GALNT11: variants seen among roughly 807,000 people sequenced by gnomAD.
GALNT11 encodes the protein polypeptide N-acetylgalactosaminyltransferase 11, also known as UDP-GalNAc:polypeptide N-acetylgalactosaminyltransferase 11.
A neutral mutation model predicts 72.7 loss-of-function variants in GALNT11; 47 were observed. The observed-to-expected ratio is 0.65, with a 90% CI of 0.51 to 0.82. GALNT11 has a LOEUF of 0.82. Among genes scored for constraint, GALNT11 ranks in the 40% least tolerant of loss-of-function variants. The probability of loss-of-function intolerance (pLI) is 0.00; values close to 1 mark genes in which losing one functional copy is unlikely to be tolerated. For synonymous variants in GALNT11, 270 were observed against 286.6 expected (o/e 0.94, Z 0.58); for missense variants, 677 against 778.4 (o/e 0.87, Z 1.55).
chr7:152,059,640 T>G (rs1195203221), intron 1 of GALNT11, among the ~76,000 whole-genome samples: 2 of 152,194 alleles, frequency 1.3e-5, no homozygotes, highest in Non-Finnish European at 2.9e-5. Context: ...CATGAGAGTT[T>G]TGGGGTGACT....
intron 1 of GALNT11, among the ~76,000 whole-genome samples, chr7:152,069,754 T>C (rs1012883493): frequency 2.6e-5 from 4 of 152,338 alleles, no homozygotes; most frequent in Admixed American, 2.0e-4. Context: ...CAGCATGATA[T>C]ATCTTTCTCC....
chr7:152,117,576 G>C, intron 9 of GALNT11: 1 of 598,696 alleles, frequency 1.7e-6, no homozygotes, highest in African/African-American at 1.9e-5. Context: ...TGCCTTGCCG[G>C]CATAGCTGCC....
At position 152,113,266 on chromosome 7, in the gene GALNT11, G is replaced by C; in HGVS notation, c.1101G>C (p.Lys367Asn). The C allele has an allele frequency of 2.5e-6, 4 of 1,613,466 alleles. No individual in the cohort carries two copies. The highest frequency in any genetic ancestry group is 3.4e-6 in the Non-Finnish European group (4 of 1,179,684). Residue 367 changes from lysine (K) to asparagine (N), a missense_variant, in exon 8 of 12, where the codon AAG (lysine) becomes AAC (asparagine). Lys to Asn is a moderately conservative substitution (Grantham distance 94, BLOSUM62 0). Transcript: ENST00000430044. ...ISFRIWMCGG[K>N]LFIIPCSRVG... ...GCCAGATCTGGATGTGTGGCGGTAA[G>C]CTCTTCATCATCCCTTGCTCTAGAG... is the stretch of plus-strand genomic sequence containing the variant.
intron 1 of GALNT11, among the ~76,000 whole-genome samples, chr7:152,073,758 G>A (rs546280083): frequency 8.5e-5 from 13 of 152,186 alleles, no homozygotes; most frequent in Admixed American, 4.6e-4. Flanking sequence ...ATTCTCACCC[G>A]CAGAGTGTAA....
Position 152,100,945 on chromosome 7 carries a change from A to C in GALNT11, c.419+24A>C, listed in dbSNP as rs1189017394. On this transcript the variant is annotated intron_variant, in intron 3 of 11. Transcript: ENST00000430044. ...GCGTATGTGCCTTATCGGATTTGCAAATACATTTTAACAACACGATGCTTT... is the reference window on the plus strand; with the variant it reads ...GCGTATGTGCCTTATCGGATTTGCACATACATTTTAACAACACGATGCTTT... 3.7e-6 allele frequency: 6 copies of C among 1,611,406 alleles called. No homozygotes were observed. In the Admixed American group the frequency reaches 1.0e-4, roughly 27 times the overall value.
At chr7:152,083,988 C>T (rs1563062149) in intron 1 of GALNT11, among the ~76,000 whole-genome samples, 1 of 152,036 alleles carries the variant, frequency 6.6e-6, no homozygotes, top group Non-Finnish European at 1.5e-5. Context: ...GGGGGAGGTT[C>T]AGTCTTTGTC....
chr7:152,035,229 T>G (rs2082507446), intron 1 of GALNT11, among the ~76,000 whole-genome samples: 2 of 152,130 alleles, frequency 1.3e-5, no homozygotes, highest in Admixed American at 6.5e-5. Context: ...TGGGCAAAAA[T>G]TATGTCTTTC....
chr7:152,032,782 A>G (rs1002716817), intron 1 of GALNT11, among the ~76,000 whole-genome samples: 2 of 152,200 alleles, frequency 1.3e-5, no homozygotes, highest in East Asian at 3.9e-4. Flanking sequence ...TGTTCCCCAT[A>G]TTCATGTAGA....
intron 1 of GALNT11, among the ~76,000 whole-genome samples, chr7:152,052,230 ATC>A (rs2083440208): frequency 6.6e-6 from 1 of 152,144 alleles, no homozygotes; most frequent in Non-Finnish European, 1.5e-5. Context: ...GTGTGTATAT[ATC>A]ACAGTTTGCT....
intron 1 of GALNT11, among the ~76,000 whole-genome samples, chr7:152,056,069 T>G (rs1007592814): frequency 4.6e-5 from 7 of 152,136 alleles, no homozygotes; most frequent in Non-Finnish European, 8.8e-5. Context: ...GTGAAGGATG[T>G]TATATAAATG....
At chr7:152,035,006 C>G (rs2082493733) in intron 1 of GALNT11, among the ~76,000 whole-genome samples, 1 of 152,054 alleles carries the variant, frequency 6.6e-6, no homozygotes, top group African/African-American at 2.4e-5. Flanking sequence ...TGTTATGCCC[C>G]AAAAATGAAG....
intron 9 of GALNT11, 39 bp downstream of exon 9, chr7:152,117,414 GT>G: frequency 6.2e-7 from 1 of 1,601,092 alleles, no homozygotes; most frequent in Non-Finnish European, 8.6e-7. Flanking sequence ...TATGAAAAGC[GT>G]TTGATATGAA....
chr7:152,043,321 G>A (rs570208405), intron 1 of GALNT11, among the ~76,000 whole-genome samples: 49 of 152,260 alleles, frequency 3.2e-4, no homozygotes, highest in African/African-American at 9.4e-4. Flanking sequence ...GACCTTTTGC[G>A]GGGATTCCCC....
At chr7:152,089,928 AT>A (rs1587280530) in intron 1 of GALNT11, among the ~76,000 whole-genome samples, 1 of 152,246 alleles carries the variant, frequency 6.6e-6, no homozygotes, top group Non-Finnish European at 1.5e-5. Flanking sequence ...TATAGGAACA[AT>A]CGAGGAAGTC....
Position 152,108,139 on chromosome 7 carries a change from C to T in GALNT11, c.814C>T (p.Pro272Ser). The change falls in exon 6 of 12, where the codon CCA becomes TCA. Residue 272 changes from proline (P) to serine (S), a missense_variant. By Grantham distance (74) the Pro-to-Ser change is moderately conservative. Transcript: ENST00000430044. ...TGAGGACCGGCACACCGTGGTGTGC[C>T]CAGTGATTGACATCATCAGCGCCGA... ...IREDRHTVVC[P>S]VIDIISADTL... 1 of 1,614,080 alleles carries T rather than the reference C, an allele frequency of 6.2e-7. No individual in the cohort carries two copies.
chr7:152,034,918 A>G (rs1264621680), intron 1 of GALNT11, among the ~76,000 whole-genome samples: 2 of 152,104 alleles, frequency 1.3e-5, no homozygotes, highest in Non-Finnish European at 2.9e-5. Context: ...AGTGGCCCTT[A>G]CTGATGCATT....
At chr7:152,084,693 G>A (rs56231138) in intron 1 of GALNT11, among the ~76,000 whole-genome samples, 5,148 of 152,248 alleles carry the variant, frequency 0.034, 291 homozygotes, top group African/African-American at 0.12. Context: ...GCATTGCACA[G>A]AATGTGAACA....
chr7:152,040,891 A>G (rs530662188), intron 1 of GALNT11, among the ~76,000 whole-genome samples: 1 of 152,128 alleles, frequency 6.6e-6, no homozygotes, highest in Admixed American at 6.5e-5. Context: ...AGCACCTTCA[A>G]TTGGTTTAAA....
chr7:152,116,070 TGAG>T (rs577674864), intron 8 of GALNT11, among the ~76,000 whole-genome samples: 2 of 152,082 alleles, frequency 1.3e-5, no homozygotes, highest in Non-Finnish European at 2.9e-5. Flanking sequence ...AAAAATTTAC[TGAG>T]GAGATCAGTG....
Sources: gnomAD v4.1 joint callset for allele counts (sites outside exome capture counted in the v4.1 genomes callset) on GRCh38, gnomAD v4.1.1 for gene constraint, MANE v1.5 for transcripts, NCBI Gene and HGNC (gene_info 2026-07-23, HGNC 2026-07-21) for gene names.